GON4L: variants seen among roughly 807,000 people sequenced by gnomAD.
The protein encoded by GON4L is GON-4-like protein.
Under a neutral mutation model 211.8 loss-of-function variants are expected in GON4L, and 87 were observed. The observed-to-expected ratio is 0.41, with a 90% confidence interval of 0.35 to 0.49. The LOEUF is 0.49. Among genes scored for constraint, GON4L ranks in the 20% least tolerant of loss-of-function variants. The pLI, the probability that GON4L is intolerant of heterozygous loss-of-function variation, is 0.15. For synonymous variants in GON4L, 875 were observed against 962.6 expected (o/e 0.91, Z 1.68); for missense variants, 2,155 against 2,659.5 (o/e 0.81, Z 4.17).
chr1:155,831,652 T>C (rs1669783833), intron 2 of GON4L: 1 of 151,412 alleles, frequency 6.6e-6, no homozygotes, highest in Non-Finnish European at 1.5e-5. Context: ...AAAAAACATT[T>C]CTATGCTGGG....
At chr1:155,838,999 T>G (rs1175498669) in intron 2 of GON4L, among the ~76,000 whole-genome samples, 2 of 152,022 alleles carry the variant, frequency 1.3e-5, no homozygotes, top group Non-Finnish European at 2.9e-5. Context: ...ATCTATAAAA[T>G]GCTAATATCT....
chr1:155,859,166 A>G (rs1461784055), upstream of GON4L: 2 of 152,508 alleles, frequency 1.3e-5, no homozygotes, highest in Non-Finnish European at 2.9e-5. Context: ...ATGGCAGTCG[A>G]TACTGAAATC....
chr1:155,775,460 T>C (rs1663686265), intron 16 of GON4L, among the ~76,000 whole-genome samples: 1 of 152,002 alleles, frequency 6.6e-6, no homozygotes, highest in South Asian at 2.1e-4. Flanking sequence ...GACTCATTTT[T>C]TTTTTTTTTT....
chr1:155,773,089 G>A lies in GON4L; in HGVS notation c.2472C>T (p.Ile824=), dbSNP rs1466529358. 6.2e-6 allele frequency: 10 copies of A among 1,612,318 alleles called. No homozygotes were observed. Among genetic ancestry groups the A allele is most frequent in the South Asian group, 3.3e-5 (3 of 91,018 alleles). Residue 824 remains isoleucine (I), a synonymous_variant, in exon 18 of 32, where the codon ATC becomes ATT. Transcript: ENST00000368331. ...ACTTGTCCTCAGCCTTGGTGAAGAC[G>A]ATCTTATCCTGGGGATTCTTTGCCT... ...SLKAKNPQDK[I]VFTKAEDNLL... is the part of the protein sequence containing the mutation.
chr1:155,831,813 G>A (rs1669801681), intron 2 of GON4L, among the ~76,000 whole-genome samples: 1 of 152,090 alleles, frequency 6.6e-6, no homozygotes, highest in Admixed American at 6.6e-5. Context: ...CAGCCCAGGA[G>A]TTAGAAGCTG....
downstream of GON4L, chr1:155,748,481 C>A (rs373749843): frequency 2.7e-5 from 44 of 1,612,846 alleles, no homozygotes; most frequent in East Asian, 6.5e-4. Flanking sequence ...GTGTTCCTCT[C>A]CAGTTTCCAT....
At chr1:155,825,934 T>C (rs997779837) in intron 3 of GON4L, among the ~76,000 whole-genome samples, 3 of 151,820 alleles carry the variant, frequency 2.0e-5, no homozygotes, top group South Asian at 2.1e-4. Flanking sequence ...TCCCAGCTAC[T>C]AGGGATGCTG....
intron 16 of GON4L, among the ~76,000 whole-genome samples, chr1:155,775,559 A>G (rs1002974193): frequency 6.6e-6 from 1 of 151,048 alleles, no homozygotes; most frequent in Non-Finnish European, 1.5e-5. Flanking sequence ...GGCTCAAGCG[A>G]TTCTTCTCCA....
Position 155,765,745 on chromosome 1 carries a change from T to C in GON4L, c.3728A>G (p.Gln1243Arg). The change falls in exon 21 of 32, where the codon CAG becomes CGG. Residue 1243 changes from glutamine (Q) to arginine (R), a missense_variant. Coordinates refer to ENST00000368331, the MANE Select transcript of GON4L (RefSeq NM_001282860.2). ...GGGCTCTAATTTGGGTTCTAGGCCCTGAAAGGCATTTTCCCCATCAGCCAC... is the reference window on the plus strand; with the variant it reads ...GGGCTCTAATTTGGGTTCTAGGCCCCGAAAGGCATTTTCCCCATCAGCCAC... Reference protein sequence around the residue: ...CAVADGENAFQGLEPKLEPQE... With the variant: ...CAVADGENAFRGLEPKLEPQE... The C allele has an allele frequency of 1.9e-6, 3 of 1,614,212 alleles. No homozygotes were observed. The highest frequency in any genetic ancestry group is 2.5e-6 in the Non-Finnish European group (3 of 1,180,042).
chr1:155,775,932 G>C (rs756828658), intron 16 of GON4L, among the ~76,000 whole-genome samples: 1 of 152,160 alleles, frequency 6.6e-6, no homozygotes, highest in Admixed American at 6.6e-5. Flanking sequence ...CTACAGGTAC[G>C]CACCACCACA....
intron 27 of GON4L, 36 bp from the exon 28 acceptor site, chr1:155,754,524 GTTTTTTTTTTTT>G (rs760971402): frequency 1.0e-4 from 49 of 477,386 alleles, no homozygotes; most frequent in Non-Finnish European, 1.7e-4. Context: ...CTGCCAAGTT[GTTTTTTTTTTTT>G]TTTTTTTTTT....
intron 14 of GON4L, among the ~76,000 whole-genome samples, chr1:155,783,429 T>C (rs984223912): frequency 6.6e-6 from 1 of 152,136 alleles, no homozygotes; most frequent in African/African-American, 2.4e-5. Flanking sequence ...TGGATAACAA[T>C]ACAATAAAGT....
chr1:155,821,625 C>G (rs1668752387), intron 4 of GON4L, 77 bp from the exon 5 acceptor site: 2 of 844,152 alleles, frequency 2.4e-6, no homozygotes, highest in African/African-American at 1.7e-5. Context: ...ATGTAACTGT[C>G]AGACCTATGT....
chr1:155,810,584 G>A (rs1667661109), intron 10 of GON4L, among the ~76,000 whole-genome samples: 1 of 151,838 alleles, frequency 6.6e-6, no homozygotes, highest in South Asian at 2.1e-4. Flanking sequence ...GTGCACGCCT[G>A]TAGTCCCAGC....
Position 155,800,110 on chromosome 1 carries a change from A to T in GON4L, c.1645+4839T>A, listed in dbSNP as rs112709159. Among the ~76,000 whole-genome samples the T allele has an allele frequency of 4.6e-3, 705 of 151,690 alleles. 2 individuals are homozygous for T. The highest frequency in any genetic ancestry group is 0.016 in the African/African-American group (668 of 41,326). On this transcript the variant is annotated intron_variant, in intron 11 of 31. Coordinates refer to ENST00000368331, the MANE Select transcript of GON4L (RefSeq NM_001282860.2). ...GTTACTTGGGAGGCTGAGGCAGGAA[A>T]ATCGCTTGAACCTGGGAGGCAGAGG...
intron 11 of GON4L, among the ~76,000 whole-genome samples, chr1:155,797,676 C>G (rs555606010): frequency 4.5e-4 from 68 of 149,564 alleles, no homozygotes; most frequent in East Asian, 3.0e-3. Flanking sequence ...AGACCCCCCC[C>G]CTCCCGTCTC....
chr1:155,808,030 CTTAT>C (rs893319209), intron 10 of GON4L, among the ~76,000 whole-genome samples: 3 of 151,222 alleles, frequency 2.0e-5, no homozygotes, highest in African/African-American at 7.3e-5. Flanking sequence ...AAAATCTTTT[CTTAT>C]TTATTTATTT....
intron 2 of GON4L, among the ~76,000 whole-genome samples, chr1:155,837,673 CT>C (rs1670436595): frequency 2.0e-5 from 3 of 152,046 alleles, no homozygotes; most frequent in Admixed American, 2.0e-4. Flanking sequence ...CCTCATCCCC[CT>C]ACTCTCCCTC....
chr1:155,762,725 A>G (rs1323260166), intron 22 of GON4L, among the ~76,000 whole-genome samples: 4 of 152,220 alleles, frequency 2.6e-5, no homozygotes, highest in Non-Finnish European at 4.4e-5. Context: ...CACATGACAG[A>G]TAAGGTAACA....
Sources: gnomAD v4.1 joint callset for allele counts (sites outside exome capture counted in the v4.1 genomes callset) on GRCh38, gnomAD v4.1.1 for gene constraint, MANE v1.5 for transcripts, NCBI Gene and HGNC (gene_info 2026-07-23, HGNC 2026-07-21) for gene names.